Variants in NSUN3 observed in about 807,000 individuals in gnomAD.
The protein encoded by NSUN3 is tRNA (cytosine(34)-C(5))-methyltransferase, mitochondrial.
A neutral mutation model predicts 36.8 loss-of-function variants in NSUN3; 24 were observed. The observed-to-expected ratio is 0.65, with a 90% CI of 0.47 to 0.92. The LOEUF (loss-of-function observed/expected upper bound fraction) is 0.92. NSUN3 is among the 40% of genes least tolerant of loss of function. The pLI, the probability that NSUN3 is intolerant of heterozygous loss-of-function variation, is 0.00. For synonymous variants in NSUN3, 146 were observed against 145.2 expected, an observed-to-expected ratio of 1.01 and a Z score of -0.04; for missense variants, 381 against 392.8, an observed-to-expected ratio of 0.97 and a Z score of 0.25.
intron 5 of NSUN3, among the ~76,000 whole-genome samples, chr3:94,097,934 C>T (rs1458767850): frequency 6.6e-6 from 1 of 152,122 alleles, no homozygotes; most frequent in African/African-American, 2.4e-5. Context: ...TGAATCTAAG[C>T]TTAGATCTTT....
At chr3:94,097,564 C>A (rs1328772530) in intron 5 of NSUN3, among the ~76,000 whole-genome samples, 1 of 152,088 alleles carries the variant, frequency 6.6e-6, no homozygotes, top group African/African-American at 2.4e-5. Context: ...GACAGGTCTG[C>A]TAGCATTTTT....
intron 3 of NSUN3, among the ~76,000 whole-genome samples, chr3:94,087,855 G>A (rs1325618303): frequency 1.3e-5 from 2 of 152,132 alleles, no homozygotes; most frequent in Non-Finnish European, 2.9e-5. Context: ...TTTTTGTAGA[G>A]ATGGGGTTTC....
intron 3 of NSUN3, 58 bp from the exon 4 acceptor site, chr3:94,094,082 G>A: frequency 7.8e-7 from 1 of 1,286,548 alleles, no homozygotes. Flanking sequence ...TTGCTGAAAA[G>A]TAGAAATTTA....
In NSUN3 at chr3:94,084,093, TTTTCTA is replaced by T. The variant is rs765188563; in HGVS notation, c.123-7_123-2del. ...ATATTAATATTCTCTTATTTTCTCT[TTTTCTA>T]TTTCTAGGGAGATACTAACATCTCC... is the stretch of plus-strand genomic sequence containing the variant. On this transcript the variant is annotated splice_region_variant and splice_polypyrimidine_tract_variant and intron_variant, in intron 2 of 5. Coordinates refer to ENST00000314622, the MANE Select transcript of NSUN3 (RefSeq NM_022072.5). 8 of 1,581,520 alleles carry T rather than the reference TTTTCTA, an allele frequency of 5.1e-6. No homozygotes were observed. The South Asian group carries it at 6.7e-5, about 13-fold the overall frequency.
In NSUN3 at chr3:94,118,634, A is replaced by G. The variant is rs558335654; in HGVS notation, c.744-7577A>G. Reference sequence around the variant, plus strand: ...TTTGGACAGGTTAATAGAGGATACTATACTATTATGCAGAAATGGATGTTG... The same window carrying G: ...TTTGGACAGGTTAATAGAGGATACTGTACTATTATGCAGAAATGGATGTTG... On this transcript the variant is annotated intron_variant, in intron 5 of 5. Transcript: ENST00000314622. Among the ~76,000 whole-genome samples, 389 of 152,246 alleles carry G rather than the reference A, an allele frequency of 2.6e-3. 1 individual carries two copies. Among genetic ancestry groups the G allele is most frequent in the African/African-American group, 8.8e-3 (367 of 41,546 alleles).
At chr3:94,067,903 C>T (rs1462493361) in intron 2 of NSUN3, among the ~76,000 whole-genome samples, 1 of 152,108 alleles carries the variant, frequency 6.6e-6, no homozygotes, top group Non-Finnish European at 1.5e-5. Context: ...CATTGTGTCA[C>T]ACCTTGAGTA....
At chr3:94,076,651 T>A (rs2077247721) in intron 2 of NSUN3, 1 of 1,051,192 alleles carries the variant, frequency 9.5e-7, no homozygotes, top group African/African-American at 1.6e-5. Context: ...TTTTCTGATG[T>A]CCATGGAGAC....
intron 3 of NSUN3, chr3:94,085,397 TTCTG>T (rs1309927154): frequency 3.3e-5 from 5 of 152,200 alleles, no homozygotes; most frequent in Non-Finnish European, 7.3e-5. Context: ...TCAGCATCAA[TTCTG>T]TCTGTTTTTT....
chr3:94,074,771 C>T (rs192559601), intron 2 of NSUN3, among the ~76,000 whole-genome samples: 3 of 152,192 alleles, frequency 2.0e-5, no homozygotes, highest in Admixed American at 2.0e-4. Flanking sequence ...TTGACTTCCT[C>T]TCTTCCTATT....
rs1224123195 is a variant in NSUN3 at position 94,130,289 on chromosome 3, A to G, written c.*3799A>G. Among the ~76,000 whole-genome samples the G allele has an allele frequency of 6.6e-6, 1 of 152,154 alleles. No individual in the cohort carries two copies. The highest frequency in any genetic ancestry group is 2.4e-5 in the African/African-American group (1 of 41,444). On this transcript the variant is annotated 3_prime_UTR_variant, in exon 6 of 6. Transcript: ENST00000314622. Reference sequence around the variant, plus strand: ...TGCCTCTTGTAGATCCAGCTTTAACATTTTTATGACATCCTAGTAATAGCA... The same window carrying G: ...TGCCTCTTGTAGATCCAGCTTTAACGTTTTTATGACATCCTAGTAATAGCA...
At chr3:94,114,226 A>G (rs1183415258) in intron 5 of NSUN3, among the ~76,000 whole-genome samples, 5 of 152,204 alleles carry the variant, frequency 3.3e-5, no homozygotes, top group Non-Finnish European at 7.3e-5. Context: ...TTTAGCAGTC[A>G]TAGTATTTGC....
chr3:94,083,835 G>A (rs548683011), intron 2 of NSUN3, among the ~76,000 whole-genome samples: 115 of 152,172 alleles, frequency 7.6e-4, no homozygotes, highest in African/African-American at 2.7e-3. Flanking sequence ...CCTCAATAAT[G>A]TAATATTTCA....
intron 2 of NSUN3, among the ~76,000 whole-genome samples, chr3:94,069,750 A>G (rs1478897805): frequency 1.3e-5 from 2 of 152,236 alleles, no homozygotes; most frequent in Non-Finnish European, 2.9e-5. Context: ...TAAGTAGTTC[A>G]GAGAGCCTTG....
At chr3:94,104,106 G>A (rs1451010475) in intron 5 of NSUN3, among the ~76,000 whole-genome samples, 2 of 152,124 alleles carry the variant, frequency 1.3e-5, no homozygotes, top group African/African-American at 4.8e-5. Flanking sequence ...TAGATTTATG[G>A]GGCATGGCTT....
chr3:94,126,217 A>G lies in NSUN3; in HGVS notation c.750A>G (p.Ala250=), dbSNP rs1237547758. 20 of 1,610,208 alleles carry G rather than the reference A, an allele frequency of 1.2e-5. No homozygotes were observed. In the African/African-American group the frequency reaches 1.9e-4, roughly 15 times the overall value. The change falls in exon 6 of 6, where the codon GCA becomes GCG. Residue 250 remains alanine, a synonymous_variant. Coordinates refer to ENST00000314622, the MANE Select transcript of NSUN3 (RefSeq NM_022072.5). ...PLLQIELLRS[A]IKALRPGGIL... is the part of the protein sequence containing the mutation. ...TTTTTCTGATTGCACACAGGTCTGC[A>G]ATTAAGGCCTTACGTCCTGGAGGGA...
At chr3:94,069,985 G>C (rs1266744391) in intron 2 of NSUN3, among the ~76,000 whole-genome samples, 3 of 151,934 alleles carry the variant, frequency 2.0e-5, no homozygotes, top group Admixed American at 6.6e-5. Context: ...TTTTTGGTCA[G>C]TTTTAATATT....
intron 2 of NSUN3, among the ~76,000 whole-genome samples, chr3:94,080,125 T>A (rs2077261586): frequency 6.6e-6 from 1 of 152,186 alleles, no homozygotes; most frequent in South Asian, 2.1e-4. Flanking sequence ...TGAGTGGATG[T>A]GCTATTCCTT....
intron 5 of NSUN3, among the ~76,000 whole-genome samples, chr3:94,099,849 TA>T (rs2077357947): frequency 6.6e-6 from 1 of 152,030 alleles, no homozygotes; most frequent in Non-Finnish European, 1.5e-5. Flanking sequence ...GGAATAGCTC[TA>T]TTTTATCACT....
rs868239930 is a variant in NSUN3, at chr3:94,076,056, T to C, written c.123-8051T>C. On this transcript the variant is annotated intron_variant, in intron 2 of 5. Transcript: ENST00000314622. ...TTGGGATTCCAGGAGAAATCAGATA[T>C]CTTGGCAGTGTGACCACCATGAATA... is the stretch of plus-strand genomic sequence containing the variant. 7 of 1,602,604 alleles carry C rather than the reference T, an allele frequency of 4.4e-6. No individual in the cohort carries two copies. In the Middle Eastern group the frequency reaches 1.0e-3, roughly 236 times the overall value.
Sources: gnomAD v4.1 joint callset for allele counts (sites outside exome capture counted in the v4.1 genomes callset) on GRCh38, gnomAD v4.1.1 for gene constraint, MANE v1.5 for transcripts, NCBI Gene and HGNC (gene_info 2026-07-23, HGNC 2026-07-21) for gene names.